RGS7: variants seen among roughly 807,000 people sequenced by gnomAD.
RGS7 encodes the protein regulator of G-protein signaling 7.
A neutral mutation model predicts 81.1 loss-of-function variants in RGS7; 27 were observed. The ratio of observed to expected loss-of-function variants is 0.33; its 90% CI spans 0.25 to 0.46. The LOEUF (loss-of-function observed/expected upper bound fraction) is 0.46. RGS7 is among the 20% of genes least tolerant of loss of function. The pLI is 1.00. For synonymous variants in RGS7, 208 were observed against 207.7 expected (o/e 1.00, Z -0.01); for missense variants, 396 against 607.4 (o/e 0.65, Z 3.66).
intron 2 of RGS7, among the ~76,000 whole-genome samples, chr1:241,353,560 A>T (rs1184907525): frequency 6.6e-6 from 1 of 152,252 alleles, no homozygotes; most frequent in African/African-American, 2.4e-5. Context: ...ATAGGTAAGC[A>T]TTAAGAGTAA....
At chr1:241,274,851 G>C (rs533344380) in intron 2 of RGS7, among the ~76,000 whole-genome samples, 2 of 152,250 alleles carry the variant, frequency 1.3e-5, no homozygotes, top group East Asian at 3.9e-4. Context: ...TGAGAAATTA[G>C]ACTGAATTAT....
chr1:240,975,143 C>A (rs1188585854), intron 4 of RGS7, among the ~76,000 whole-genome samples: 2 of 152,174 alleles, frequency 1.3e-5, no homozygotes, highest in Non-Finnish European at 2.9e-5. Flanking sequence ...GTGGCTCACA[C>A]CTGTAATCCC....
rs1663938535 is a variant in RGS7, at chr1:240,868,735, A to T, written c.527+41T>A. The T allele has an allele frequency of 6.2e-7, 1 of 1,612,536 alleles. No homozygotes were observed. The highest frequency in any genetic ancestry group is 1.3e-5 in the African/African-American group (1 of 74,878). ...TAGTGCCTCTCTGAACAAAAAGGCC[A>T]CAACTGGAACAAATCTTCCAAACGA... is the stretch of plus-strand genomic sequence containing the variant. On this transcript the variant is annotated intron_variant, in intron 8 of 18. Transcript: ENST00000440928. The surrounding 1 kb of genome is among the most constrained non-coding windows in gnomAD (Gnocchi z 5.1).
Position 241,035,884 on chromosome 1 carries a change from C to G in RGS7, c.176-52755G>C, listed in dbSNP as rs114847128. On this transcript the variant is annotated intron_variant, in intron 3 of 18. Coordinates refer to ENST00000440928, the MANE Select transcript of RGS7 (RefSeq NM_001364886.1). The stretch of plus-strand genomic sequence containing the variant: ...TATTTTCTCTGGATATGCCCCACTT[C>G]GTTGAATTATCTTCCCTTCAATGAA... 3.3e-3 allele frequency among the ~76,000 whole-genome samples: 500 copies of G among 152,270 alleles called. 5 individuals are homozygous for G. Among genetic ancestry groups the G allele is most frequent in the African/African-American group, 0.012 (479 of 41,564 alleles).
At chr1:241,018,364 A>G (rs1195333238) in intron 3 of RGS7, among the ~76,000 whole-genome samples, 1 of 152,022 alleles carries the variant, frequency 6.6e-6, no homozygotes, top group African/African-American at 2.4e-5. Flanking sequence ...GGTATATCAT[A>G]TCAGGTAAAA....
intron 9 of RGS7, among the ~76,000 whole-genome samples, chr1:240,854,699 C>T (rs1660750615): frequency 6.6e-6 from 1 of 152,164 alleles, no homozygotes; most frequent in Non-Finnish European, 1.5e-5. Context: ...ACTCCTTTTT[C>T]CAATGACAGC....
chr1:240,921,065 T>C (rs1437580607), intron 6 of RGS7, among the ~76,000 whole-genome samples: 1 of 152,172 alleles, frequency 6.6e-6, no homozygotes, highest in Non-Finnish European at 1.5e-5. Context: ...TTGGAATTTA[T>C]ACACAACCTG....
At chr1:241,207,169 G>A (rs1367849332) in intron 2 of RGS7, among the ~76,000 whole-genome samples, 57 of 150,612 alleles carry the variant, frequency 3.8e-4, no homozygotes, top group African/African-American at 1.2e-3. Flanking sequence ...GGGTTTCACC[G>A]TGTTAGCCAG....
Position 240,983,113 on chromosome 1 carries a change from T to G in RGS7, c.192A>C (p.Gln64His). The change falls in exon 4 of 19, where the codon CAA becomes CAC. Residue 64 changes from glutamine (Q) to histidine (H), a missense_variant. By Grantham distance (24) the Gln-to-His change is conservative. Transcript: ENST00000440928. ...PSVFSGSDIV[Q>H]WLIKNLTIED... ...CTATAGTTAAGTTCTTTATCAACCA[T>G]TGAACAATGTCTGAACCTAGAAAAA... The G allele has an allele frequency of 6.5e-7, 1 of 1,535,796 alleles. No homozygotes were observed. The highest frequency in any genetic ancestry group is 9.0e-7 in the Non-Finnish European group (1 of 1,114,190).
intron 3 of RGS7, among the ~76,000 whole-genome samples, chr1:241,089,021 A>ATCTCTCTCCCTCTCTC (rs2063668060): frequency 4.2e-5 from 1 of 23,652 alleles, no homozygotes; most frequent in African/African-American, 2.7e-4. Flanking sequence ...GCAAGACTCC[A>ATCTCTCTCCCTCTCTC]TCTCTCTCTC....
chr1:241,323,904 T>C (rs1034067729), intron 2 of RGS7, among the ~76,000 whole-genome samples: 2 of 152,208 alleles, frequency 1.3e-5, no homozygotes, highest in African/African-American at 4.8e-5. Flanking sequence ...CAAATGGTAA[T>C]TTTTAAAAGC....
At chr1:241,005,718 T>A (rs769565931) in intron 3 of RGS7, among the ~76,000 whole-genome samples, 7 of 152,034 alleles carry the variant, frequency 4.6e-5, no homozygotes, top group Non-Finnish European at 1.0e-4. Context: ...GTATTTTTAG[T>A]AGAGATGGGG....
At chr1:240,904,659 G>T (rs1370487857) in intron 6 of RGS7, among the ~76,000 whole-genome samples, 1 of 152,124 alleles carries the variant, frequency 6.6e-6, no homozygotes, top group Non-Finnish European at 1.5e-5. Flanking sequence ...AAATGAAACT[G>T]TTCTTTCAAT....
chr1:241,039,334 T>C (rs1200993687), intron 3 of RGS7, among the ~76,000 whole-genome samples: 1 of 151,872 alleles, frequency 6.6e-6, no homozygotes, highest in East Asian at 1.9e-4. Context: ...GGTCCTTCTG[T>C]TCATAGATAA....
intron 4 of RGS7, among the ~76,000 whole-genome samples, chr1:240,937,787 T>G (rs574157224): frequency 6.6e-6 from 1 of 152,246 alleles, no homozygotes; most frequent in Non-Finnish European, 1.5e-5. Context: ...TCAAGGACCA[T>G]GTATGCTGCA....
At position 240,775,990 on chromosome 1, in the gene RGS7, A is replaced by G. The variant is rs569239461; in HGVS notation, c.*230T>C. ...GAAAGCAGACAACAGTTTGGAATGG[A>G]GGCATTGAGACGGAAGAGTCCATTG... On this transcript the variant is annotated 3_prime_UTR_variant, in exon 19 of 19. Coordinates refer to ENST00000440928, the MANE Select transcript of RGS7 (RefSeq NM_001364886.1). The G allele has an allele frequency of 3.1e-6, 2 of 653,158 alleles. No homozygotes were observed. Among genetic ancestry groups the G allele is most frequent in the African/African-American group, 3.6e-5 (2 of 55,702 alleles). 40.5% of individuals were successfully genotyped at this position (653,158 alleles called of 1,614,324 possible).
intron 2 of RGS7, among the ~76,000 whole-genome samples, chr1:241,171,272 T>C (rs2070714194): frequency 6.6e-6 from 1 of 151,782 alleles, no homozygotes; most frequent in South Asian, 2.1e-4. Context: ...GCCAACATAC[T>C]AAAAAAAAAT....
intron 14 of RGS7, among the ~76,000 whole-genome samples, chr1:240,811,352 T>A (rs1454815177): frequency 6.6e-6 from 1 of 152,214 alleles, no homozygotes; most frequent in Non-Finnish European, 1.5e-5. Flanking sequence ...TATATAAAGA[T>A]GATGTTTACA....
At chr1:241,295,466 A>G (rs1025889576) in intron 2 of RGS7, among the ~76,000 whole-genome samples, 1 of 151,682 alleles carries the variant, frequency 6.6e-6, no homozygotes, top group Non-Finnish European at 1.5e-5. Flanking sequence ...AAAAGAAGAA[A>G]AAAAAAAGAT....
Sources: gnomAD v4.1 joint callset for allele counts (sites outside exome capture counted in the v4.1 genomes callset) on GRCh38, gnomAD v4.1.1 for gene constraint, Gnocchi (gnomAD v3.1) non-coding constraint, MANE v1.5 for transcripts, NCBI Gene and HGNC (gene_info 2026-07-23, HGNC 2026-07-21) for gene names.